The following RNF216 variants were observed in gnomAD, a reference collection of about 807,000 sequenced individuals.
RNF216 encodes E3 ubiquitin-protein ligase RNF216.
A neutral mutation model predicts 110.8 loss-of-function variants in RNF216; 72 were observed. The ratio of observed to expected loss-of-function variants is 0.65; its 90% CI spans 0.54 to 0.79. The LOEUF is 0.79. RNF216 is among the 30% of genes least tolerant of loss of function. RNF216 has a pLI of 0.00. For synonymous variants in RNF216, 495 were observed against 407.5 expected, an observed-to-expected ratio of 1.21 and a Z score of -2.59; for missense variants, 1,342 against 1,141.2, an observed-to-expected ratio of 1.18 and a Z score of -2.54.
intron 1 of RNF216, 78 bp downstream of exon 1, chr7:5,781,463 A>C (rs1284192101): frequency 2.2e-5 from 2 of 91,120 alleles, no homozygotes; most frequent in African/African-American, 4.3e-5. Flanking sequence ...GGAGCTCCAC[A>C]GAGGCGCCCC....
At chr7:5,711,877 A>G in intron 12 of RNF216, 38 bp from the exon 13 acceptor site, 3 of 1,574,692 alleles carry the variant, frequency 1.9e-6, no homozygotes, top group African/African-American at 1.3e-5. Context: ...TACTTCAAAC[A>G]TTAAAGCCTG....
intron 3 of RNF216, among the ~76,000 whole-genome samples, chr7:5,748,602 TTATA>T (rs914308002): frequency 8.1e-6 from 1 of 123,084 alleles, no homozygotes; most frequent in Non-Finnish European, 1.7e-5. Flanking sequence ...AGTATATTTT[TTATA>T]TACATACACA....
In RNF216 at chr7:5,675,541, C is replaced by T. The variant is rs1451903639; in HGVS notation, c.2062-23031G>A. 1.1e-4 allele frequency among the ~76,000 whole-genome samples: 16 copies of T among 152,114 alleles called. No individual in the cohort carries two copies. The East Asian group carries it at 3.1e-3, about 30-fold the overall frequency. On this transcript the variant is annotated intron_variant, in intron 13 of 16. Coordinates refer to ENST00000389902, the MANE Select transcript of RNF216 (RefSeq NM_207111.4). The stretch of plus-strand genomic sequence containing the variant: ...CTTACAGTCCCAGCTACTCAGGAGG[C>T]TGAGGCAGGGGGATTGCTTGAGCCC...
At chr7:5,688,936 TGA>T (rs1452912996) in intron 13 of RNF216, among the ~76,000 whole-genome samples, 2 of 152,206 alleles carry the variant, frequency 1.3e-5, no homozygotes, top group African/African-American at 4.8e-5. Flanking sequence ...GTTGACTGAA[TGA>T]GAGAAGCGGG....
At chr7:5,644,283 T>C (rs1370760696) in intron 14 of RNF216, among the ~76,000 whole-genome samples, 1 of 152,186 alleles carries the variant, frequency 6.6e-6, no homozygotes, top group East Asian at 1.9e-4. Flanking sequence ...GGCTACACTA[T>C]TTCTATTCCC....
At chr7:5,639,980 C>G (rs910852278) in intron 15 of RNF216, among the ~76,000 whole-genome samples, 2 of 151,026 alleles carry the variant, frequency 1.3e-5, no homozygotes, top group Non-Finnish European at 2.9e-5. Context: ...AGGATGGTCT[C>G]GATCTCCTGA....
chr7:5,774,571 G>A (rs1168774556), intron 1 of RNF216, among the ~76,000 whole-genome samples: 1 of 152,068 alleles, frequency 6.6e-6, no homozygotes, highest in African/African-American at 2.4e-5. Context: ...TGTTACCTGC[G>A]AAACAGAAAA....
Position 5,623,033 on chromosome 7 carries a change from G to A in RNF216, c.2599C>T (p.Pro867Ser). 1 of 1,614,092 alleles carries A rather than the reference G, an allele frequency of 6.2e-7. No homozygotes were observed. The change falls in exon 17 of 17, where the codon CCT becomes TCT. Residue 867 changes from proline to serine, a missense_variant. Transcript: ENST00000389902. ...TTGTTGAACACAGGCCGCACGGGAG[G>A]CAGGGGGAAGGGTGGGTGCGCGAAG... is the stretch of plus-strand genomic sequence containing the variant. ...YAFAHPPFPL[P>S]PVRPVFNNFP... is the part of the protein sequence containing the mutation.
rs1378425672 is a variant in RNF216 at position 5,746,422 on chromosome 7, A to G, written c.202-4607T>C. 2.0e-5 allele frequency among the ~76,000 whole-genome samples: 3 copies of G among 152,140 alleles called. No homozygotes were observed. The East Asian group carries it at 5.8e-4, about 29-fold the overall frequency. Reference sequence around the variant, plus strand: ...CAGACAGAAATGTGGGTGCAACTCCATTTGCTGCTAGCATACAGGGGTGCA... The same window carrying G: ...CAGACAGAAATGTGGGTGCAACTCCGTTTGCTGCTAGCATACAGGGGTGCA... On this transcript the variant is annotated intron_variant, in intron 3 of 16. Transcript: ENST00000389902.
At chr7:5,760,082 CTCAGCATGA>C (rs1795852350) in intron 2 of RNF216, among the ~76,000 whole-genome samples, 1 of 150,916 alleles carries the variant, frequency 6.6e-6, no homozygotes. Context: ...GATTCTACAC[CTCAGCATGA>C]TTTTTTTCCT....
chr7:5,774,036 C>T (rs1796642779), intron 1 of RNF216, among the ~76,000 whole-genome samples: 1 of 152,170 alleles, frequency 6.6e-6, no homozygotes, highest in East Asian at 1.9e-4. Flanking sequence ...AGTGGCACAC[C>T]AGTGGCCCCA....
chr7:5,741,522 T>C lies in RNF216; in HGVS notation c.495A>G (p.Ala165=). The C allele has an allele frequency of 6.2e-7, 1 of 1,614,236 alleles. No individual in the cohort carries two copies. Among genetic ancestry groups the C allele is most frequent in the Non-Finnish European group, 8.5e-7 (1 of 1,180,046 alleles). The change falls in exon 4 of 17, where the codon GCA becomes GCG. Residue 165 remains alanine (A), a synonymous_variant. Coordinates refer to ENST00000389902, the MANE Select transcript of RNF216 (RefSeq NM_207111.4). ...EPKPGPSHNQ[A]ANDIVNPRSE... is the part of the protein sequence containing the mutation. ...ATCTGGGGTTGACAATGTCATTTGC[T>C]GCTTGGTTATGACTCGGTCCAGGCT...
At chr7:5,639,760 T>C (rs1048099018) in intron 15 of RNF216, among the ~76,000 whole-genome samples, 5 of 148,598 alleles carry the variant, frequency 3.4e-5, no homozygotes, top group Admixed American at 6.7e-5. Flanking sequence ...GTGCCTAGCC[T>C]TAATTTTTTT....
At chr7:5,754,643 A>G (rs543830988) in intron 2 of RNF216, among the ~76,000 whole-genome samples, 1 of 152,204 alleles carries the variant, frequency 6.6e-6, no homozygotes, top group African/African-American at 2.4e-5. Flanking sequence ...GCCATAGTGA[A>G]TAAGACCCCT....
chr7:5,765,700 C>A (rs576132463), intron 1 of RNF216, among the ~76,000 whole-genome samples: 1 of 150,550 alleles, frequency 6.6e-6, no homozygotes, highest in East Asian at 2.0e-4. Context: ...CCCAGTACTT[C>A]GGGCGGCTGA....
chr7:5,663,333 C>T (rs1378092310), intron 13 of RNF216, among the ~76,000 whole-genome samples: 1 of 152,136 alleles, frequency 6.6e-6, no homozygotes, highest in Admixed American at 6.5e-5. Flanking sequence ...GTAATCCCAG[C>T]ACTTTGGGAG....
chr7:5,776,980 G>A (rs563546608), intron 1 of RNF216, among the ~76,000 whole-genome samples: 19 of 151,742 alleles, frequency 1.3e-4, no homozygotes, highest in Admixed American at 2.0e-4. Context: ...GAAAGTGAAA[G>A]AAAGGAAGAG....
chr7:5,693,797 T>C (rs926303090), intron 13 of RNF216, among the ~76,000 whole-genome samples: 1 of 152,172 alleles, frequency 6.6e-6, no homozygotes, highest in African/African-American at 2.4e-5. Context: ...CTAAAGCTGG[T>C]CACCCATGGC....
chr7:5,779,491 G>A (rs894102008), intron 1 of RNF216, among the ~76,000 whole-genome samples: 1 of 151,908 alleles, frequency 6.6e-6, no homozygotes, highest in Admixed American at 6.6e-5. Flanking sequence ...AAAGCAAGCC[G>A]ACTAAATTGA....
Sources: gnomAD v4.1 joint callset for allele counts (sites outside exome capture counted in the v4.1 genomes callset) on GRCh38, gnomAD v4.1.1 for gene constraint, MANE v1.5 for transcripts, NCBI Gene and HGNC (gene_info 2026-07-23, HGNC 2026-07-21) for gene names.